Variants in HERC2 observed in about 807,000 individuals in gnomAD.
HERC2 encodes the protein E3 ubiquitin-protein ligase HERC2.
A neutral mutation model predicts 537.7 loss-of-function variants in HERC2; 102 were observed. That is an observed-to-expected ratio of 0.19 (90% CI 0.16 to 0.22). HERC2 has a LOEUF of 0.22. Ranked by LOEUF, HERC2 falls within the 10% of genes least tolerant of loss-of-function variation. The probability of loss-of-function intolerance (pLI) is 1.00; values close to 1 mark genes in which losing one functional copy is unlikely to be tolerated. For synonymous variants in HERC2, 2,224 were observed against 2,466.2 expected (o/e 0.90, Z 2.91); for missense variants, 4,236 against 6,198.2 (o/e 0.68, Z 10.63).
intron 2 of HERC2, among the ~76,000 whole-genome samples, chr15:28,301,735 GTATATATA>G (rs55977156): frequency 0.018 from 642 of 35,384 alleles, 37 homozygotes; most frequent in African/African-American, 0.03. Context: ...GTATGTATGT[GTATATATA>G]TATATATATA....
Position 28,214,211 on chromosome 15 carries a change from G to A in HERC2, c.6420C>T (p.Ser2140=). ...PQASLTATHS[S]TLAEEVVALL... ...GTGCCACCACCTCCTCCGCCAGTGT[G>A]CTGCTGTGGGTGGCAGTCAGCGAGG... Residue 2140 remains serine, a synonymous_variant, in exon 41 of 93, where the codon AGC becomes AGT. Transcript: ENST00000261609. 6.2e-7 allele frequency: 1 copy of A among 1,612,324 alleles called. No individual in the cohort carries two copies. Among genetic ancestry groups the A allele is most frequent in the Non-Finnish European group, 8.5e-7 (1 of 1,179,936 alleles).
intron 65 of HERC2, among the ~76,000 whole-genome samples, chr15:28,171,758 T>C (rs1236658446): frequency 6.6e-6 from 1 of 152,016 alleles, no homozygotes; most frequent in African/African-American, 2.4e-5. Flanking sequence ...TTCTTAGAAA[T>C]AATCTAACAA....
Position 28,279,069 on chromosome 15 carries a change from G to A in HERC2, c.542+999C>T, listed in dbSNP as rs189578893. Among the ~76,000 whole-genome samples the A allele has an allele frequency of 1.6e-3, 238 of 152,162 alleles. 1 individual carries two copies. The highest frequency in any genetic ancestry group is 2.4e-3 in the Admixed American group (37 of 15,292). ...CAGGCTGGCACAATCTCCGCTCACCGCAACCTCCACCTCCCGGGATCAAGC... is the reference window on the plus strand; with the variant it reads ...CAGGCTGGCACAATCTCCGCTCACCACAACCTCCACCTCCCGGGATCAAGC... On this transcript the variant is annotated intron_variant, in intron 5 of 92. Transcript: ENST00000261609.
At chr15:28,248,529 C>T in intron 21 of HERC2, 23 bp downstream of exon 21, 3 of 1,595,270 alleles carry the variant, frequency 1.9e-6, no homozygotes, top group Non-Finnish European at 2.6e-6. Context: ...ATACAAGACA[C>T]TTTCACATTT....
rs1481572450 is a variant in HERC2, at chr15:28,191,239, C to T, written c.8457G>A (p.Trp2819Ter). Residue 2819 changes from tryptophan (W) to a stop codon, truncating the protein, a stop_gained, in exon 54 of 93, where the codon TGG (tryptophan) becomes TGA (stop). Coordinates refer to ENST00000261609, the MANE Select transcript of HERC2 (RefSeq NM_004667.6). LOFTEE classifies it high-confidence loss of function. ...CATCTGGGAAAATCTCCAAACGAAT[C>T]CAGTGCTTTAGAAAAACAAAAAAAC... Reference protein sequence around the residue: ...WQSSGSQGKHWIRLEIFPDVL... With the variant: ...WQSSGSQGKH The T allele has an allele frequency of 6.2e-7, 1 of 1,608,672 alleles. No homozygotes were observed. Among genetic ancestry groups the T allele is most frequent in the Admixed American group, 1.7e-5 (1 of 59,358 alleles).
In HERC2 at chr15:28,216,637, C is replaced by T. The variant is rs761568314; in HGVS notation, c.6029-835G>A. 9.3e-5 allele frequency among the ~76,000 whole-genome samples: 14 copies of T among 151,276 alleles called. 1 individual carries two copies. The Middle Eastern group carries it at 0.01, about 111-fold the overall frequency. On this transcript the variant is annotated intron_variant, in intron 38 of 92. Transcript: ENST00000261609. ...ACATGCGCTCACACACACACACTCA[C>T]TCTCACACCCTCATATGCATCCTCA...
intron 69 of HERC2, among the ~76,000 whole-genome samples, chr15:28,154,625 C>T (rs1892796538): frequency 6.6e-6 from 1 of 152,186 alleles, no homozygotes; most frequent in African/African-American, 2.4e-5. Context: ...CCCATCTCTT[C>T]CACCTACCAG....
chr15:28,314,863 GA>G (rs11324616), intron 2 of HERC2, among the ~76,000 whole-genome samples: 99,611 of 141,820 alleles, frequency 0.7, 36,840 homozygotes, highest in Non-Finnish European at 0.91. Flanking sequence ...TCCCTCTCAG[GA>G]AAAAAAAAAA....
intron 69 of HERC2, among the ~76,000 whole-genome samples, chr15:28,155,227 T>A (rs934385016): frequency 6.6e-6 from 1 of 152,104 alleles, no homozygotes; most frequent in African/African-American, 2.4e-5. Context: ...AATAAACATA[T>A]GTGTGCATGT....
At position 28,114,798 on chromosome 15, in the gene HERC2, T is replaced by A; in HGVS notation, c.13727A>T (p.Asp4576Val). Residue 4576 changes from aspartate to valine, a missense_variant, in exon 90 of 93, where the codon GAT becomes GTT. Coordinates refer to ENST00000261609, the MANE Select transcript of HERC2 (RefSeq NM_004667.6). ...SLTIADLSEV[D>V]KDFIPGLMYI... is the part of the protein sequence containing the mutation. ...CATGAGTCCAGGAATAAAATCCTTA[T>A]CAACCTTTTAAGGAGAAAAAGAAAG... is the stretch of plus-strand genomic sequence containing the variant. 1 of 1,613,554 alleles carries A rather than the reference T, an allele frequency of 6.2e-7. No homozygotes were observed. The highest frequency in any genetic ancestry group is 8.5e-7 in the Non-Finnish European group (1 of 1,179,770).
intron 2 of HERC2, among the ~76,000 whole-genome samples, chr15:28,317,935 A>T (rs1288195652): frequency 6.6e-6 from 1 of 152,216 alleles, no homozygotes; most frequent in African/African-American, 2.4e-5. Flanking sequence ...AAATTGCTTC[A>T]TGCCTATCTA....
At chr15:28,249,451 C>G (rs535195669) in intron 20 of HERC2, among the ~76,000 whole-genome samples, 1 of 152,224 alleles carries the variant, frequency 6.6e-6, no homozygotes, top group Non-Finnish European at 1.5e-5. Flanking sequence ...ACATATGTTC[C>G]CAGAAGGTAA....
intron 3 of HERC2, 37 bp downstream of exon 3, chr15:28,299,365 C>T: frequency 1.2e-6 from 1 of 851,720 alleles, no homozygotes; most frequent in South Asian, 1.5e-5. Context: ...TTATAATGGT[C>T]TTTACCAAAT....
intron 2 of HERC2, among the ~76,000 whole-genome samples, chr15:28,316,309 C>T (rs1429543888): frequency 1.4e-5 from 2 of 144,560 alleles, no homozygotes; most frequent in African/African-American, 2.5e-5. Context: ...ACTAGTATTA[C>T]TAGTCTTTTC....
chr15:28,219,212 G>T (rs1427423441), intron 37 of HERC2, among the ~76,000 whole-genome samples: 1 of 152,364 alleles, frequency 6.6e-6, no homozygotes, highest in South Asian at 2.1e-4. Context: ...TCCTAGATGA[G>T]GACAAAGCAC....
chr15:28,113,053 G>A lies in HERC2; in HGVS notation c.14232+18C>T, dbSNP rs755508770. ...GCCGACATCAGCCCAGGGCCGGCAA[G>A]CCCAGCCAGGAGCCTACCTGGATGA... is the stretch of plus-strand genomic sequence containing the variant. On this transcript the variant is annotated intron_variant, in intron 92 of 92. Transcript: ENST00000261609. The surrounding 1 kb of genome is among the most constrained non-coding windows in gnomAD (Gnocchi z 7.0). The A allele has an allele frequency of 1.2e-6, 2 of 1,607,890 alleles. No individual in the cohort carries two copies. The highest frequency in any genetic ancestry group is 1.7e-6 in the Non-Finnish European group (2 of 1,176,486).
chr15:28,228,035 T>G (rs960119852), intron 35 of HERC2, among the ~76,000 whole-genome samples, 183 bp downstream of exon 35: 2 of 151,444 alleles, frequency 1.3e-5, no homozygotes, highest in Non-Finnish European at 1.5e-5. Flanking sequence ...TGGTGATGAC[T>G]CTAGAAAATC....
intron 23 of HERC2, 48 bp downstream of exon 23, chr15:28,245,833 C>G: frequency 6.7e-7 from 1 of 1,485,210 alleles, no homozygotes; most frequent in Non-Finnish European, 9.3e-7. Flanking sequence ...ATAGGTTAGA[C>G]AAGGACAATA....
chr15:28,259,054 A>G (rs1215884851), intron 16 of HERC2, among the ~76,000 whole-genome samples: 1 of 152,214 alleles, frequency 6.6e-6, no homozygotes, highest in Non-Finnish European at 1.5e-5. Flanking sequence ...GAATACTTCT[A>G]TATCTGTTAA....
Sources: allele counts gnomAD v4.1 joint callset (sites outside exome capture counted in the v4.1 genomes callset), GRCh38; gene constraint gnomAD v4.1.1; non-coding constraint Gnocchi (gnomAD v3.1); transcripts MANE v1.5; gene names NCBI Gene and HGNC (gene_info 2026-07-23, HGNC 2026-07-21).